ANK3: variants seen among roughly 807,000 people sequenced by gnomAD.
ANK3 encodes the protein ankyrin-3.
In ANK3, 57 loss-of-function variants were observed where a neutral mutation model predicts 370.9. The observed-to-expected ratio is 0.15, with a 90% CI of 0.12 to 0.19. The LOEUF is 0.19. ANK3 is among the 10% of genes least tolerant of loss of function. ANK3 has a pLI of 1.00. For synonymous variants in ANK3, 1,929 were observed against 1,946.3 expected (o/e 0.99, Z 0.23); for missense variants, 4,439 against 5,302.1 (o/e 0.84, Z 5.06).
chr10:60,091,569 A>G (rs1467706151), intron 28 of ANK3, among the ~76,000 whole-genome samples: 1 of 152,012 alleles, frequency 6.6e-6, no homozygotes, highest in Admixed American at 6.6e-5. Context: ...GAACAGGATG[A>G]TTTGAGATGT....
chr10:60,521,133 TA>T (rs1464775903), intron 2 of ANK3, among the ~76,000 whole-genome samples: 1 of 152,090 alleles, frequency 6.6e-6, no homozygotes, highest in African/African-American at 2.4e-5. Context: ...TTATGGACCT[TA>T]TTTTATTTAC....
intron 24 of ANK3, chr10:60,138,758 A>C: frequency 1.6e-6 from 1 of 643,724 alleles, no homozygotes; most frequent in Admixed American, 3.2e-5. Flanking sequence ...CACACAATTA[A>C]CATGTTCAAT....
At chr10:60,535,285 TC>T (rs1405172254) in intron 2 of ANK3, among the ~76,000 whole-genome samples, 1 of 152,072 alleles carries the variant, frequency 6.6e-6, no homozygotes, top group Non-Finnish European at 1.5e-5. Flanking sequence ...ATGAGCCACA[TC>T]CAGAAAGGGA....
intron 7 of ANK3, among the ~76,000 whole-genome samples, chr10:60,236,033 A>G (rs1446496160): frequency 2.0e-5 from 3 of 152,216 alleles, no homozygotes; most frequent in Admixed American, 6.5e-5. Flanking sequence ...ACAATAATGA[A>G]AAGTTCCAAC....
chr10:60,657,810 C>T lies in ANK3; in HGVS notation c.58-42586G>A, dbSNP rs566751399. 3.3e-5 allele frequency among the ~76,000 whole-genome samples: 5 copies of T among 152,158 alleles called. No homozygotes were observed. The East Asian group carries it at 7.7e-4, about 23-fold the overall frequency. ...TAATTATATCCAAAAAACTTCATTA[C>T]TAAGAGATGTGTCTGTAACTATTAT... On this transcript the variant is annotated intron_variant, in intron 1 of 43. Coordinates refer to the ANK3 transcript ENST00000373827.
chr10:60,410,846 A>AT (rs941556917), intron 2 of ANK3, among the ~76,000 whole-genome samples: 9 of 148,188 alleles, frequency 6.1e-5, no homozygotes, highest in African/African-American at 2.2e-4. Flanking sequence ...TTTTTTTTTC[A>AT]TTTTTTGCAG....
At chr10:60,563,476 T>C (rs548798325) in intron 2 of ANK3, among the ~76,000 whole-genome samples, 33 of 152,322 alleles carry the variant, frequency 2.2e-4, no homozygotes, top group Admixed American at 7.8e-4. Flanking sequence ...GAAAGGTATG[T>C]ATAAATATTA....
chr10:60,698,202 A>C (rs1239585926), intron 1 of ANK3, among the ~76,000 whole-genome samples: 1 of 151,564 alleles, frequency 6.6e-6, no homozygotes, highest in East Asian at 1.9e-4. Flanking sequence ...CCACAATGAG[A>C]TACCATCTCA....
intron 23 of ANK3, among the ~76,000 whole-genome samples, chr10:60,164,271 A>C (rs1371043140): frequency 6.6e-6 from 1 of 152,192 alleles, no homozygotes; most frequent in Non-Finnish European, 1.5e-5. Flanking sequence ...TATGACTTGA[A>C]TTAAAAGTGT....
chr10:60,367,658 TG>T (rs2059571359), intron 1 of ANK3, among the ~76,000 whole-genome samples: 2 of 152,184 alleles, frequency 1.3e-5, no homozygotes, highest in Non-Finnish European at 2.9e-5. Flanking sequence ...GTGATTAGGC[TG>T]GTAGGGTGAT....
intron 28 of ANK3, among the ~76,000 whole-genome samples, chr10:60,093,413 G>A (rs991176453): frequency 4.6e-5 from 7 of 152,304 alleles, no homozygotes; most frequent in Non-Finnish European, 7.3e-5. Context: ...TTCAAATGGG[G>A]CAGATTTCCT....
chr10:60,271,526 A>G (rs1337729576), intron 4 of ANK3, among the ~76,000 whole-genome samples: 3 of 152,178 alleles, frequency 2.0e-5, no homozygotes, highest in Non-Finnish European at 4.4e-5. Flanking sequence ...TTTTGAATAT[A>G]CTTTTCAGAA....
intron 2 of ANK3, among the ~76,000 whole-genome samples, chr10:60,529,877 C>T (rs1343971119): frequency 6.6e-6 from 1 of 152,136 alleles, no homozygotes; most frequent in Non-Finnish European, 1.5e-5. Context: ...AATTTGTTTT[C>T]GTTCTCAGGC....
At chr10:60,068,548 G>C (rs560279513) in intron 37 of ANK3, 89 bp downstream of exon 37, 1 of 1,365,580 alleles carries the variant, frequency 7.3e-7, no homozygotes, top group African/African-American at 1.5e-5. Context: ...ATGCACTAGG[G>C]TCTACGAGTT....
chr10:60,125,606 C>T lies in ANK3; in HGVS notation c.2841+8665G>A, dbSNP rs147267642. Among the ~76,000 whole-genome samples, 428 of 152,230 alleles carry T rather than the reference C, an allele frequency of 2.8e-3. 8 individuals carry two copies. Among genetic ancestry groups the T allele is most frequent in the South Asian group, 0.026 (125 of 4,824 alleles). The stretch of plus-strand genomic sequence containing the variant: ...GCTGGCTACCTTCTGCCACCATGCA[C>T]GTTTCTGAGCACCCCCCTTAGAAAT... On this transcript the variant is annotated intron_variant, in intron 25 of 43. Transcript: ENST00000280772.
intron 1 of ANK3, among the ~76,000 whole-genome samples, chr10:60,331,454 C>T (rs2051276782): frequency 6.6e-6 from 1 of 150,986 alleles, no homozygotes; most frequent in African/African-American, 2.4e-5. Flanking sequence ...CTCTGGTTGA[C>T]GAGTTAACAG....
intron 1 of ANK3, among the ~76,000 whole-genome samples, chr10:60,672,557 C>G (rs114975781): frequency 0.041 from 6,216 of 152,310 alleles, 161 homozygotes; most frequent in Middle Eastern, 0.072. Flanking sequence ...TCTATGAAGA[C>G]AGAAGCTCCA....
At chr10:60,262,039 T>A in intron 6 of ANK3, 82 bp from the exon 7 acceptor site, 1 of 1,229,378 alleles carries the variant, frequency 8.1e-7, no homozygotes, top group Non-Finnish European at 1.2e-6. Flanking sequence ...CCTGCCCAAA[T>A]AAAAATGAGG....
chr10:60,639,956 C>T (rs1275773447), intron 1 of ANK3, among the ~76,000 whole-genome samples: 1 of 151,794 alleles, frequency 6.6e-6, no homozygotes, highest in Non-Finnish European at 1.5e-5. Context: ...TATATGCCTT[C>T]TATGAGAAAT....
Sources: allele counts gnomAD v4.1 joint callset (sites outside exome capture counted in the v4.1 genomes callset), GRCh38; gene constraint gnomAD v4.1.1; transcripts MANE v1.5; gene names NCBI Gene and HGNC (gene_info 2026-07-23, HGNC 2026-07-21).